The following ZCCHC14 variants were observed in gnomAD, a reference collection of about 807,000 sequenced individuals.
ZCCHC14 encodes zinc finger CCHC domain-containing protein 14.
Under a neutral mutation model 85.0 loss-of-function variants are expected in ZCCHC14, and 16 were observed. The ratio of observed to expected loss-of-function variants is 0.19; its 90% CI spans 0.13 to 0.29. The LOEUF is 0.29. Ranked by LOEUF, ZCCHC14 falls within the 10% of genes least tolerant of loss-of-function variation. ZCCHC14 has a pLI of 1.00. For synonymous variants in ZCCHC14, 775 were observed against 630.7 expected, an observed-to-expected ratio of 1.23 and a Z score of -3.43; for missense variants, 1,303 against 1,443.5, an observed-to-expected ratio of 0.90 and a Z score of 1.58.
intron 2 of ZCCHC14, among the ~76,000 whole-genome samples, chr16:87,444,457 A>G (rs1019065069): frequency 1.3e-5 from 2 of 152,254 alleles, no homozygotes; most frequent in African/African-American, 4.8e-5. Context: ...TAAATGATTA[A>G]GCTGAAAGTC....
intron 1 of ZCCHC14, among the ~76,000 whole-genome samples, chr16:87,483,613 C>G (rs1442425363): frequency 1.3e-5 from 2 of 152,228 alleles, no homozygotes; most frequent in Non-Finnish European, 2.9e-5. Context: ...CCTTTATCAA[C>G]TCCTAAGATA....
In ZCCHC14 at chr16:87,408,934, T is replaced by TA. The variant is rs1908318400; in HGVS notation, c.*1345dup. 1 of 152,664 alleles carries TA rather than the reference T, an allele frequency of 6.6e-6. No individual in the cohort carries two copies. Among genetic ancestry groups the TA allele is most frequent in the Admixed American group, 6.5e-5 (1 of 15,284 alleles). 9.5% of individuals were successfully genotyped at this position (152,664 alleles called of 1,614,324 possible). ...ACATTGAAGACTTTAGCATTTTCGA[T>TA]AAGAGTATTATTTGAGCAGAAAATT... On this transcript the variant is annotated 3_prime_UTR_variant, in exon 13 of 13. Transcript: ENST00000671377.
Position 87,491,192 on chromosome 16 carries a change from G to T in ZCCHC14, c.570+477C>A, listed in dbSNP as rs997504996. Among the ~76,000 whole-genome samples the T allele has an allele frequency of 6.6e-6, 1 of 152,244 alleles. No individual in the cohort carries two copies. The highest frequency in any genetic ancestry group is 2.4e-5 in the African/African-American group (1 of 41,468). On this transcript the variant is annotated intron_variant, in intron 1 of 12. Coordinates refer to ENST00000671377, the MANE Select transcript of ZCCHC14 (RefSeq NM_015144.3). The surrounding 1 kb of genome is among the most constrained non-coding windows in gnomAD (Gnocchi z 5.9). ...CCTGGGACTGTGAGCTCTGACCGCG[G>T]ACGTCTCCCGCACCGCTCCCGCGGA...
chr16:87,467,746 G>C, intron 1 of ZCCHC14: 1 of 566,498 alleles, frequency 1.8e-6, no homozygotes. Flanking sequence ...CCGCCTCCCG[G>C]GTTCACACCA....
chr16:87,444,738 T>G (rs981443336), intron 2 of ZCCHC14, among the ~76,000 whole-genome samples: 12 of 152,246 alleles, frequency 7.9e-5, no homozygotes, highest in African/African-American at 2.9e-4. Context: ...ATCCGGGTCA[T>G]GAAAGACAAG....
Position 87,408,696 on chromosome 16 carries a change from C to T in ZCCHC14, c.*1584G>A, listed in dbSNP as rs776867434. Reference sequence around the variant, plus strand: ...GCCTGTCATAAAAAAAATGTAACAACTTTCTGCTTTAGTTTCTATGAAGTT... The same window carrying T: ...GCCTGTCATAAAAAAAATGTAACAATTTTCTGCTTTAGTTTCTATGAAGTT... On this transcript the variant is annotated 3_prime_UTR_variant, in exon 13 of 13. Transcript: ENST00000671377. 8.5e-5 allele frequency: 13 copies of T among 152,430 alleles called. No homozygotes were observed. Among genetic ancestry groups the T allele is most frequent in the Non-Finnish European group, 1.8e-4 (12 of 68,028 alleles). 9.4% of individuals were successfully genotyped at this position (152,430 alleles called of 1,614,324 possible).
Position 87,412,688 on chromosome 16 carries a change from T to C in ZCCHC14, c.2033A>G (p.Lys678Arg). The C allele has an allele frequency of 6.2e-7, 1 of 1,614,208 alleles. No homozygotes were observed. Residue 678 changes from lysine to arginine, a missense_variant, in exon 12 of 13, where the codon AAA becomes AGA. By Grantham distance (26) the Lys-to-Arg change is conservative (BLOSUM62 2). This residue lies in a region of ZCCHC14 where 797 missense variants were observed against 730.8 expected (regional missense o/e 1.09). Coordinates refer to ENST00000671377, the MANE Select transcript of ZCCHC14 (RefSeq NM_015144.3). Reference sequence around the variant, plus strand: ...CATGCTGCTTCTTGGTCCAGATCCTTTATTCCTTTCTTCTAGAGACAAAAG... The same window carrying C: ...CATGCTGCTTCTTGGTCCAGATCCTCTATTCCTTTCTTCTAGAGACAAAAG... ...HSLLSLEERNKGSGPRSSMKV... is the reference protein window; with the variant it reads ...HSLLSLEERNRGSGPRSSMKV...
At chr16:87,423,653 C>T (rs532983423) in intron 4 of ZCCHC14, among the ~76,000 whole-genome samples, 157 bp downstream of exon 4, 3 of 152,214 alleles carry the variant, frequency 2.0e-5, no homozygotes, top group African/African-American at 7.2e-5. Context: ...ATGTCAGCAG[C>T]GGGCCTGGGA....
At chr16:87,438,262 CTG>C (rs1910026326) in intron 2 of ZCCHC14, among the ~76,000 whole-genome samples, 1 of 152,272 alleles carries the variant, frequency 6.6e-6, no homozygotes, top group Non-Finnish European at 1.5e-5. Flanking sequence ...GGGCTGGACT[CTG>C]TGTGTCAACT....
chr16:87,423,709 C>G lies in ZCCHC14; in HGVS notation c.840+101G>C. 3.7e-6 allele frequency: 5 copies of G among 1,365,782 alleles called. No homozygotes were observed. The Admixed American group carries it at 7.4e-5, about 20-fold the overall frequency. 84.6% of individuals were successfully genotyped at this position (1,365,782 alleles called of 1,614,324 possible). A position where few individuals can be genotyped will look rare whatever the true frequency, so the allele number is the denominator to read the frequency against. On this transcript the variant is annotated intron_variant, in intron 4 of 12. Transcript: ENST00000671377. Reference sequence around the variant, plus strand: ...AGGCCCCGCCCTGCGCACGCTCACTCGCTAGCTGAAGGGAGTGGCCTCTGA... The same window carrying G: ...AGGCCCCGCCCTGCGCACGCTCACTGGCTAGCTGAAGGGAGTGGCCTCTGA...
At chr16:87,469,608 T>C (rs891073261) in intron 1 of ZCCHC14, among the ~76,000 whole-genome samples, 3 of 152,206 alleles carry the variant, frequency 2.0e-5, no homozygotes, top group Admixed American at 1.3e-4. Context: ...TCTAGTACTG[T>C]GAACTGGAAA....
chr16:87,481,998 A>G (rs1368826655), intron 1 of ZCCHC14, among the ~76,000 whole-genome samples: 1 of 152,170 alleles, frequency 6.6e-6, no homozygotes, highest in Non-Finnish European at 1.5e-5. Context: ...CAGCAAGAGG[A>G]GCCCCACACC....
chr16:87,480,989 A>G (rs1158576232), intron 1 of ZCCHC14, among the ~76,000 whole-genome samples: 1 of 152,204 alleles, frequency 6.6e-6, no homozygotes, highest in East Asian at 1.9e-4. Context: ...ACATCATGCC[A>G]AGACCCGTAA....
intron 1 of ZCCHC14, among the ~76,000 whole-genome samples, chr16:87,463,493 G>A (rs990128137): frequency 1.3e-5 from 2 of 152,224 alleles, no homozygotes; most frequent in African/African-American, 2.4e-5. Context: ...GTTCTAAGAA[G>A]AGAAAGTGAG....
chr16:87,436,278 T>C (rs1909915865), intron 2 of ZCCHC14, among the ~76,000 whole-genome samples: 1 of 152,264 alleles, frequency 6.6e-6, no homozygotes, highest in Non-Finnish European at 1.5e-5. Context: ...GCTCCAAATG[T>C]TGGCGCATCC....
intron 7 of ZCCHC14, 174 bp from the exon 8 acceptor site, chr16:87,417,916 C>G (rs1408944743): frequency 5.8e-6 from 4 of 693,804 alleles, no homozygotes; most frequent in African/African-American, 1.8e-5. Flanking sequence ...CCCTCCCTCC[C>G]CAACCACCTT....
At chr16:87,464,246 C>T (rs1222413598) in intron 1 of ZCCHC14, among the ~76,000 whole-genome samples, 1 of 152,246 alleles carries the variant, frequency 6.6e-6, no homozygotes, top group Admixed American at 6.5e-5. Context: ...ATTAGTGCTT[C>T]TCGGCCTCGA....
Position 87,420,850 on chromosome 16 carries a change from T to G in ZCCHC14, c.841-134A>C, listed in dbSNP as rs533725873. 1.8e-4 allele frequency: 116 copies of G among 631,632 alleles called. No homozygotes were observed. In the African/African-American group the frequency reaches 2.1e-3, roughly 11 times the overall value. The allele number at this position is 631,632 out of a possible 1,614,324, so 39.1% of individuals were successfully genotyped here. ...GGTCTGATATGATTTACACCTCCCG[T>G]CAGAGCTATTCTGGGGCCCACATCC... On this transcript the variant is annotated intron_variant, in intron 4 of 12. Transcript: ENST00000671377. The surrounding 1 kb of genome is among the most constrained non-coding windows in gnomAD (Gnocchi z 5.0).
chr16:87,410,727 C>T (rs890121383), intron 12 of ZCCHC14, among the ~76,000 whole-genome samples: 1 of 152,212 alleles, frequency 6.6e-6, no homozygotes, highest in Non-Finnish European at 1.5e-5. Context: ...CCCACCCGGG[C>T]CCGCATGGCA....
Sources: allele counts gnomAD v4.1 joint callset (sites outside exome capture counted in the v4.1 genomes callset), GRCh38; gene constraint gnomAD v4.1.1; regional missense constraint gnomAD v4.1.1; non-coding constraint Gnocchi (gnomAD v3.1); transcripts MANE v1.5; gene names NCBI Gene and HGNC (gene_info 2026-07-23, HGNC 2026-07-21).